Variants in SPON1 observed in about 807,000 individuals in gnomAD.
SPON1 encodes the protein spondin 1, also known as spondin-1.
In SPON1, 52 loss-of-function variants were observed where a neutral mutation model predicts 111.7. The ratio of observed to expected loss-of-function variants is 0.47; its 90% CI spans 0.37 to 0.59. The LOEUF (loss-of-function observed/expected upper bound fraction) is 0.59, where lower values mean the gene tolerates loss of function less well. Ranked by LOEUF, SPON1 falls within the 20% of genes least tolerant of loss-of-function variation. SPON1 has a pLI of 0.00. For synonymous variants in SPON1, 410 were observed against 395.8 expected, an observed-to-expected ratio of 1.04 and a Z score of -0.43; for missense variants, 957 against 1,068.5, an observed-to-expected ratio of 0.90 and a Z score of 1.46.
intron 6 of SPON1, among the ~76,000 whole-genome samples, chr11:14,173,570 T>C (rs1554932752): frequency 6.6e-6 from 1 of 152,254 alleles, no homozygotes; most frequent in African/African-American, 2.4e-5. Context: ...AGGGGTGCTC[T>C]GATTTTTAGA....
At chr11:13,980,446 T>TA (rs1554909496) in intron 1 of SPON1, among the ~76,000 whole-genome samples, 1 of 152,226 alleles carries the variant, frequency 6.6e-6, no homozygotes. Flanking sequence ...CTTTATGTCT[T>TA]AGAGTTCTTT....
intron 3 of SPON1, among the ~76,000 whole-genome samples, chr11:14,046,552 A>G (rs1243576755): frequency 1.3e-5 from 2 of 152,114 alleles, no homozygotes; most frequent in African/African-American, 4.8e-5. Flanking sequence ...ATTTTTATAC[A>G]GGTCTGGTCT....
At chr11:14,246,545 CT>C (rs1235342202) in intron 7 of SPON1, among the ~76,000 whole-genome samples, 2 of 152,196 alleles carry the variant, frequency 1.3e-5, no homozygotes, top group African/African-American at 4.8e-5. Context: ...GCCAATGAGC[CT>C]TCTGATTGGC....
chr11:14,068,865 T>C (rs2133826769), intron 3 of SPON1, among the ~76,000 whole-genome samples: 1 of 152,296 alleles, frequency 6.6e-6, no homozygotes, highest in South Asian at 2.1e-4. Flanking sequence ...TGCCAGAGTT[T>C]CTTTAGAATG....
At chr11:14,203,479 A>G (rs527857582) in intron 6 of SPON1, among the ~76,000 whole-genome samples, 1 of 152,358 alleles carries the variant, frequency 6.6e-6, no homozygotes, top group South Asian at 2.1e-4. Context: ...TGCAACATAA[A>G]TGTCCTTAAG....
intron 2 of SPON1, among the ~76,000 whole-genome samples, chr11:14,015,050 T>A (rs1311764412): frequency 6.6e-6 from 1 of 152,210 alleles, no homozygotes; most frequent in Non-Finnish European, 1.5e-5. Flanking sequence ...TCATTTTTAA[T>A]GGGCACAACA....
chr11:13,979,097 A>G (rs1848124522), intron 1 of SPON1, among the ~76,000 whole-genome samples: 1 of 152,220 alleles, frequency 6.6e-6, no homozygotes, highest in South Asian at 2.1e-4. Flanking sequence ...GAGGCTAGAC[A>G]TCTGAAATCA....
chr11:13,978,082 T>G (rs1848116249), intron 1 of SPON1, among the ~76,000 whole-genome samples: 1 of 152,160 alleles, frequency 6.6e-6, no homozygotes, highest in Admixed American at 6.5e-5. Flanking sequence ...TTGTGGAACT[T>G]TCCTGGACCC....
chr11:13,986,461 A>T (rs1310928113), intron 2 of SPON1, among the ~76,000 whole-genome samples: 1 of 152,186 alleles, frequency 6.6e-6, no homozygotes, highest in African/African-American at 2.4e-5. Context: ...CAAATATTTC[A>T]GGTATCCCGT....
At position 14,146,338 on chromosome 11, in the gene SPON1, C is replaced by T. The variant is rs187204152; in HGVS notation, c.825+10770C>T. Among the ~76,000 whole-genome samples the T allele has an allele frequency of 2.5e-3, 378 of 151,958 alleles. 1 individual carries two copies. Among genetic ancestry groups the T allele is most frequent in the African/African-American group, 8.1e-3 (337 of 41,460 alleles). ...CTAATTTTTACATTTTTAGTAGAGA[C>T]GGGGTTTCACCATGTTGGCCAGGCT... is the stretch of plus-strand genomic sequence containing the variant. On this transcript the variant is annotated intron_variant, in intron 6 of 15. Coordinates refer to ENST00000576479, the MANE Select transcript of SPON1 (RefSeq NM_006108.4).
chr11:14,240,958 T>C (rs1848919366), intron 6 of SPON1, among the ~76,000 whole-genome samples: 1 of 152,162 alleles, frequency 6.6e-6, no homozygotes, highest in Non-Finnish European at 1.5e-5. Context: ...TAGTATGTAG[T>C]ACGTACTGAT....
Position 14,010,915 on chromosome 11 carries a change from A to G in SPON1, c.345+27962A>G, listed in dbSNP as rs114226801. Reference sequence around the variant, plus strand: ...ATGAAATTGGCCTCCAGCCAGAGAAAAATAAAATGCCCTTGATAAACGGCA... The same window carrying G: ...ATGAAATTGGCCTCCAGCCAGAGAAGAATAAAATGCCCTTGATAAACGGCA... On this transcript the variant is annotated intron_variant, in intron 2 of 15. Transcript: ENST00000576479. 5.3e-3 allele frequency among the ~76,000 whole-genome samples: 802 copies of G among 152,324 alleles called. 9 individuals carry two copies. The highest frequency in any genetic ancestry group is 0.018 in the African/African-American group (741 of 41,568).
At chr11:14,060,220 A>T (rs1848781525) in intron 3 of SPON1, among the ~76,000 whole-genome samples, 1 of 151,928 alleles carries the variant, frequency 6.6e-6, no homozygotes, top group Non-Finnish European at 1.5e-5. Flanking sequence ...AGATATAGAA[A>T]CTCGGCCTTC....
chr11:14,016,426 A>C (rs1848444347), intron 2 of SPON1, among the ~76,000 whole-genome samples: 1 of 152,256 alleles, frequency 6.6e-6, no homozygotes, highest in Admixed American at 6.5e-5. Flanking sequence ...AAGAAGGCAG[A>C]AGTATATCCA....
At chr11:14,051,451 G>A (rs143211316) in intron 3 of SPON1, among the ~76,000 whole-genome samples, 18 of 152,084 alleles carry the variant, frequency 1.2e-4, no homozygotes, top group African/African-American at 4.3e-4. Context: ...TGGGAGGATT[G>A]CTGGAGCCCA....
At chr11:14,145,623 A>G (rs756911233) in intron 6 of SPON1, among the ~76,000 whole-genome samples, 2 of 152,236 alleles carry the variant, frequency 1.3e-5, no homozygotes, top group African/African-American at 4.8e-5. Flanking sequence ...TGTTAGGTAT[A>G]TTCACATTGT....
At chr11:14,012,907 AT>A (rs1848416899) in intron 2 of SPON1, among the ~76,000 whole-genome samples, 2 of 152,090 alleles carry the variant, frequency 1.3e-5, no homozygotes, top group African/African-American at 4.8e-5. Context: ...CTTTTCCTTC[AT>A]TATTAAATAT....
At chr11:14,198,212 A>G (rs1489866980) in intron 6 of SPON1, among the ~76,000 whole-genome samples, 1 of 152,218 alleles carries the variant, frequency 6.6e-6, no homozygotes, top group Non-Finnish European at 1.5e-5. Flanking sequence ...TGTTAAGTAC[A>G]GAATGTGTGG....
chr11:14,201,240 T>C (rs1252272051), intron 6 of SPON1, among the ~76,000 whole-genome samples: 1 of 151,728 alleles, frequency 6.6e-6, no homozygotes, highest in Non-Finnish European at 1.5e-5. Context: ...CTTGGGAGGC[T>C]GAGGCAGGAG....
Sources: gnomAD v4.1 joint callset for allele counts (sites outside exome capture counted in the v4.1 genomes callset) on GRCh38, gnomAD v4.1.1 for gene constraint, MANE v1.5 for transcripts, NCBI Gene and HGNC (gene_info 2026-07-23, HGNC 2026-07-21) for gene names.